CAPZA1: variants seen among roughly 807,000 people sequenced by gnomAD.
CAPZA1 encodes F-actin-capping protein subunit alpha-1.
A neutral mutation model predicts 40.8 loss-of-function variants in CAPZA1; 10 were observed. The observed-to-expected ratio is 0.25, with a 90% confidence interval of 0.15 to 0.42. CAPZA1 has a LOEUF of 0.42. Ranked by LOEUF, CAPZA1 falls within the 10% of genes least tolerant of loss-of-function variation. The pLI is 1.00. For synonymous variants in CAPZA1, 98 were observed against 115.0 expected (o/e 0.85, Z 0.95); for missense variants, 277 against 353.8 (o/e 0.78, Z 1.74).
At chr1:112,644,025 A>C (rs1570712608) in intron 1 of CAPZA1, among the ~76,000 whole-genome samples, 1 of 150,780 alleles carries the variant, frequency 6.6e-6, no homozygotes, top group African/African-American at 2.4e-5. Context: ...TTGTATTTTT[A>C]GTAGAGACAG....
At chr1:112,665,333 C>A (rs1480234133) in intron 7 of CAPZA1, among the ~76,000 whole-genome samples, 1 of 151,936 alleles carries the variant, frequency 6.6e-6, no homozygotes, top group South Asian at 2.1e-4. Context: ...CCTGCCACTA[C>A]ACCTGGCTAA....
intron 7 of CAPZA1, among the ~76,000 whole-genome samples, chr1:112,662,402 T>C (rs917849880): frequency 7.1e-6 from 1 of 140,006 alleles, no homozygotes; most frequent in South Asian, 2.4e-4. Flanking sequence ...TTTCTTTTTT[T>C]TTTTTTTTTT....
In CAPZA1 at chr1:112,671,423, T is replaced by C. The variant is rs1671831484; in HGVS notation, c.*1291T>C. On this transcript the variant is annotated 3_prime_UTR_variant, in exon 10 of 10. Coordinates refer to ENST00000263168, the MANE Select transcript of CAPZA1 (RefSeq NM_006135.3). ...TACATGTCAAAAAAAGAAAGGTGTT[T>C]GTGCTTCCGTTTTGTTTCTGCTCAG... 1 of 152,654 alleles carries C rather than the reference T, an allele frequency of 6.6e-6. No individual in the cohort carries two copies. Among genetic ancestry groups the C allele is most frequent in the African/African-American group, 2.4e-5 (1 of 41,464 alleles). The allele number at this position is 152,654 out of a possible 1,614,324, so 9.5% of individuals were successfully genotyped here.
chr1:112,622,531 C>T (rs1163205300), intron 1 of CAPZA1, among the ~76,000 whole-genome samples: 1 of 152,042 alleles, frequency 6.6e-6, no homozygotes, highest in Non-Finnish European at 1.5e-5. Context: ...TGTCTATTTC[C>T]TTTATTTCAT....
intron 7 of CAPZA1, among the ~76,000 whole-genome samples, chr1:112,661,914 A>G (rs1179453089): frequency 6.6e-6 from 1 of 152,232 alleles, no homozygotes; most frequent in Non-Finnish European, 1.5e-5. Flanking sequence ...TTTTGGAGTG[A>G]GAATTATTTG....
chr1:112,660,459 T>C (rs1671583036), intron 7 of CAPZA1, among the ~76,000 whole-genome samples: 1 of 152,150 alleles, frequency 6.6e-6, no homozygotes, highest in Admixed American at 6.5e-5. Flanking sequence ...TTTCTATTTT[T>C]AGTACAGGCG....
intron 7 of CAPZA1, among the ~76,000 whole-genome samples, chr1:112,666,185 C>T (rs1437120639): frequency 1.3e-5 from 2 of 152,232 alleles, no homozygotes; most frequent in Non-Finnish European, 2.9e-5. Context: ...TCCTGCCACA[C>T]TCCTTTTTTA....
chr1:112,670,183 T>G lies in CAPZA1; in HGVS notation c.*51T>G. On this transcript the variant is annotated 3_prime_UTR_variant, in exon 10 of 10. Coordinates refer to ENST00000263168, the MANE Select transcript of CAPZA1 (RefSeq NM_006135.3). Reference sequence around the variant, plus strand: ...TGTGGAAAGACAAGGATTCAACGTGTGGTCATATGATAAATAAGTGATTTA... The same window carrying G: ...TGTGGAAAGACAAGGATTCAACGTGGGGTCATATGATAAATAAGTGATTTA... 2 of 1,597,616 alleles carry G rather than the reference T, an allele frequency of 1.3e-6. No individual in the cohort carries two copies. The highest frequency in any genetic ancestry group is 1.7e-6 in the Non-Finnish European group (2 of 1,167,310).
At chr1:112,661,215 A>G (rs1330072354) in intron 7 of CAPZA1, among the ~76,000 whole-genome samples, 1 of 152,194 alleles carries the variant, frequency 6.6e-6, no homozygotes, top group Non-Finnish European at 1.5e-5. Flanking sequence ...GCTTCCTGCA[A>G]CAAGTAGCTC....
At position 112,656,783 on chromosome 1, in the gene CAPZA1, G is replaced by A. The variant is rs906005270; in HGVS notation, c.426+2112G>A. 5.9e-5 allele frequency among the ~76,000 whole-genome samples: 9 copies of A among 151,718 alleles called. No individual in the cohort carries two copies. The East Asian group carries it at 1.4e-3, about 23-fold the overall frequency. On this transcript the variant is annotated intron_variant, in intron 5 of 9. Coordinates refer to ENST00000263168, the MANE Select transcript of CAPZA1 (RefSeq NM_006135.3). ...CTTCAGCTGACCTGCTTAGTAGTCC[G>A]TAATTTCATCTCCTTATTCCCTATC...
At chr1:112,626,856 G>A (rs192470008) in intron 1 of CAPZA1, among the ~76,000 whole-genome samples, 11 of 152,300 alleles carry the variant, frequency 7.2e-5, no homozygotes, top group African/African-American at 4.8e-5. Flanking sequence ...AACATTGATC[G>A]AATTCTGTTG....
intron 1 of CAPZA1, among the ~76,000 whole-genome samples, chr1:112,630,383 G>A (rs139693956): frequency 1.1e-4 from 16 of 150,986 alleles, no homozygotes; most frequent in East Asian, 1.9e-4. Flanking sequence ...TCACTCTTTC[G>A]CCCAGGCTGG....
At chr1:112,656,671 T>C (rs544150875) in intron 5 of CAPZA1, among the ~76,000 whole-genome samples, 2 of 152,026 alleles carry the variant, frequency 1.3e-5, no homozygotes, top group Non-Finnish European at 2.9e-5. Flanking sequence ...ATAACCCTAC[T>C]GTGTCCTTAG....
rs56057393 is a variant in CAPZA1 at position 112,641,886 on chromosome 1, CAAAAAAA to C, written c.40-5310_40-5304del. Among the ~76,000 whole-genome samples, 273 of 98,092 alleles carry C rather than the reference CAAAAAAA, an allele frequency of 2.8e-3. 2 individuals carry two copies. The highest frequency in any genetic ancestry group is 1.5e-3 in the Admixed American group (14 of 9,106). 64.4% of individuals were successfully genotyped at this position (98,092 alleles called of 152,430 possible). ...CCTGGGTGACAGACTGAGACTGTCT[CAAAAAAA>C]AAAAAAAAAAAAATACTAAAACTGA... is the stretch of plus-strand genomic sequence containing the variant. On this transcript the variant is annotated intron_variant, in intron 1 of 9. Coordinates refer to ENST00000263168, the MANE Select transcript of CAPZA1 (RefSeq NM_006135.3).
intron 5 of CAPZA1, among the ~76,000 whole-genome samples, chr1:112,657,757 A>G: frequency 6.6e-6 from 1 of 151,924 alleles, no homozygotes; most frequent in Admixed American, 6.6e-5. Flanking sequence ...ACACCTGGCT[A>G]ATTTTTGTAT....
In CAPZA1 at chr1:112,670,139, A is replaced by G. The variant is rs1671800256; in HGVS notation, c.*7A>G. On this transcript the variant is annotated 3_prime_UTR_variant, in exon 10 of 10. Transcript: ENST00000263168. ...AGAAATGCAGAATGCTTAAAGGCTG[A>G]ATGTAGGATTCTTCAGTATGTGGAA... The G allele has an allele frequency of 2.5e-6, 4 of 1,613,822 alleles. No individual in the cohort carries two copies. The East Asian group carries it at 8.9e-5, about 36-fold the overall frequency.
chr1:112,656,674 G>C, intron 5 of CAPZA1, among the ~76,000 whole-genome samples: 1 of 151,790 alleles, frequency 6.6e-6, no homozygotes, highest in Non-Finnish European at 1.5e-5. Context: ...ACCCTACTGT[G>C]TCCTTAGCTA....
In CAPZA1 at chr1:112,670,300, C is replaced by T; in HGVS notation, c.*168C>T. 8 of 449,042 alleles carry T rather than the reference C, an allele frequency of 1.8e-5. No individual in the cohort carries two copies. Among genetic ancestry groups the T allele is most frequent in the Non-Finnish European group, 2.6e-5 (7 of 264,438 alleles). The allele number at this position is 449,042 out of a possible 1,614,324, so 27.8% of individuals were successfully genotyped here. ...TTGAACCTATAGCGTTGTCTTGATTCTTTTGTGTTCTCTGCCTTGTAATTT... is the reference window on the plus strand; with the variant it reads ...TTGAACCTATAGCGTTGTCTTGATTTTTTTGTGTTCTCTGCCTTGTAATTT... On this transcript the variant is annotated 3_prime_UTR_variant, in exon 10 of 10. Transcript: ENST00000263168.
chr1:112,640,974 G>T (rs1671144932), intron 1 of CAPZA1, among the ~76,000 whole-genome samples: 1 of 152,156 alleles, frequency 6.6e-6, no homozygotes, highest in Non-Finnish European at 1.5e-5. Context: ...GAGTTAAATG[G>T]ATTAAGGGCG....
Sources: allele counts gnomAD v4.1 joint callset (sites outside exome capture counted in the v4.1 genomes callset), GRCh38; gene constraint gnomAD v4.1.1; transcripts MANE v1.5; gene names NCBI Gene and HGNC (gene_info 2026-07-23, HGNC 2026-07-21).